SYAP1: variants seen among roughly 807,000 people sequenced by gnomAD.
The protein encoded by SYAP1 is synapse associated protein 1, also known as synapse-associated protein 1.
A neutral mutation model predicts 29.6 loss-of-function variants in SYAP1; 3 were observed. The observed-to-expected ratio is 0.10, with a 90% confidence interval of 0.05 to 0.26. The LOEUF (loss-of-function observed/expected upper bound fraction) is 0.26, where lower values mean the gene tolerates loss of function less well. Ranked by LOEUF, SYAP1 falls within the 10% of genes least tolerant of loss-of-function variation. The pLI is 1.00. For synonymous variants in SYAP1, 102 were observed against 102.7 expected (o/e 0.99, Z 0.04); for missense variants, 217 against 264.1 (o/e 0.82, Z 1.24).
chrX:16,758,546 G>A (rs919324386), intron 8 of SYAP1, among the ~76,000 whole-genome samples: 1 of 110,627 alleles, frequency 9.0e-6, no homozygotes, highest in Non-Finnish European at 1.9e-5. Flanking sequence ...TATGTTGGCA[G>A]GCTGGTCTCG....
At chrX:16,756,839 T>C in intron 7 of SYAP1, 118 bp downstream of exon 7, 1 of 735,879 alleles carries the variant, frequency 1.4e-6, no homozygotes, top group Non-Finnish European at 2.0e-6. Flanking sequence ...AAGCAGCATC[T>C]GGTACTTGAA....
intron 5 of SYAP1, among the ~76,000 whole-genome samples, chrX:16,751,092 A>G (rs1201153160): frequency 9.1e-6 from 1 of 109,908 alleles, no homozygotes; most frequent in African/African-American, 3.3e-5. Flanking sequence ...CTACTCTTTC[A>G]AAGTCTTTTT....
chrX:16,743,654 A>G (rs1313633533), intron 4 of SYAP1, 47 bp from the exon 5 acceptor site: 5 of 1,177,090 alleles, frequency 4.2e-6, no homozygotes, highest in Non-Finnish European at 5.7e-6. Flanking sequence ...TTATCTATTA[A>G]TCGCATTTTG....
chrX:16,751,961 C>T (rs1212779834), intron 5 of SYAP1, among the ~76,000 whole-genome samples: 1 of 103,144 alleles, frequency 9.7e-6, no homozygotes, highest in Non-Finnish European at 2.0e-5. Context: ...CAGGCATGAG[C>T]CACTGCACCC....
chrX:16,742,226 A>C, intron 4 of SYAP1, among the ~76,000 whole-genome samples: 1 of 95,387 alleles, frequency 1.0e-5, no homozygotes, highest in Non-Finnish European at 2.0e-5. Context: ...ATCTCGGCTC[A>C]CTGCAACCTT....
chrX:16,762,994 A>G lies in SYAP1; in HGVS notation c.*2635A>G, dbSNP rs1375509866. On this transcript the variant is annotated 3_prime_UTR_variant, in exon 9 of 9. Transcript: ENST00000380155. ...AGTTATTTCTATACTACCAAAATTAAAAAGACCCAAGGGCTGGGCATGGTG... is the reference window on the plus strand; with the variant it reads ...AGTTATTTCTATACTACCAAAATTAGAAAGACCCAAGGGCTGGGCATGGTG... 9.0e-6 allele frequency: 1 copy of G among 111,518 alleles called. No homozygotes were observed. The highest frequency in any genetic ancestry group is 2.8e-4 in the East Asian group (1 of 3,562). The allele number at this position is 111,518 out of a possible 1,213,427, so 9.2% of individuals were successfully genotyped here.
intron 1 of SYAP1, among the ~76,000 whole-genome samples, chrX:16,723,306 C>T (rs144536912): frequency 8.9e-6 from 1 of 112,293 alleles, no homozygotes; most frequent in East Asian, 2.8e-4. Context: ...GTTTACAATG[C>T]ACAGTCAATA....
intron 5 of SYAP1, among the ~76,000 whole-genome samples, chrX:16,749,025 G>A (rs773372617): frequency 3.3e-4 from 36 of 110,750 alleles, no homozygotes; most frequent in Middle Eastern, 4.7e-3. Context: ...AAAGTGCTGG[G>A]ATTACAGGCG....
chrX:16,724,130 A>G (rs1312893072), intron 1 of SYAP1, among the ~76,000 whole-genome samples: 1 of 112,214 alleles, frequency 8.9e-6, no homozygotes, highest in Non-Finnish European at 1.9e-5. Flanking sequence ...GCAATGAAAG[A>G]GTACAAGAAT....
chrX:16,756,613 A>G, intron 6 of SYAP1, 50 bp from the exon 7 acceptor site: 1 of 1,046,676 alleles, frequency 9.6e-7, no homozygotes, highest in Non-Finnish European at 1.3e-6. Flanking sequence ...TATAATATGT[A>G]TTCAGAACTG....
At chrX:16,725,245 C>T (rs911409675) in intron 1 of SYAP1, among the ~76,000 whole-genome samples, 2 of 112,515 alleles carry the variant, frequency 1.8e-5, no homozygotes, top group South Asian at 3.6e-4. Flanking sequence ...TTTTCTTTGG[C>T]GCTACTTCGT....
Position 16,719,644 on chromosome X carries a change from T to TCG in SYAP1, c.-77_-76dup. The TCG allele has an allele frequency of 9.4e-7, 1 of 1,061,195 alleles. No individual in the cohort carries two copies. The highest frequency in any genetic ancestry group is 1.2e-6 in the Non-Finnish European group (1 of 805,227). 87.5% of individuals were successfully genotyped at this position (1,061,195 alleles called of 1,213,427 possible). On this transcript the variant is annotated 5_prime_UTR_variant, in exon 1 of 9. Coordinates refer to ENST00000380155, the MANE Select transcript of SYAP1 (RefSeq NM_032796.4). ...CGACTTCCGGACATCTCCCTGGGAG[T>TCG]CGCGCAGAGTGGAGTCAAAGGCAAC...
At position 16,729,273 on chromosome X, in the gene SYAP1, C is replaced by G. The variant is rs762586953; in HGVS notation, c.176-5954C>G. Among the ~76,000 whole-genome samples the G allele has an allele frequency of 5.4e-5, 6 of 110,837 alleles. No homozygotes were observed. The South Asian group carries it at 1.9e-3, about 35-fold the overall frequency. ...AATGCTTCCTGTGTGGTTTTTGGTA[C>G]TAAATAAGCCAAATTTCACCTTTAC... On this transcript the variant is annotated intron_variant, in intron 1 of 8. Transcript: ENST00000380155.
chrX:16,756,126 CTTGT>C lies in SYAP1; in HGVS notation c.725-534_725-531del, dbSNP rs755863120. On this transcript the variant is annotated intron_variant, in intron 6 of 8. Transcript: ENST00000380155. ...AAAATGCCATTTTGCCAAATACTGC[CTTGT>C]TTAACAAAATGGATTTATGACAGTA... 7.2e-5 allele frequency among the ~76,000 whole-genome samples: 8 copies of C among 111,870 alleles called. No homozygotes were observed. The South Asian group carries it at 1.1e-3, about 15-fold the overall frequency.
At chrX:16,725,052 G>A (rs1926054786) in intron 1 of SYAP1, among the ~76,000 whole-genome samples, 1 of 112,313 alleles carries the variant, frequency 8.9e-6, no homozygotes, top group Non-Finnish European at 1.9e-5. Context: ...TCCTCTGTGA[G>A]CCTCAGCTTC....
At position 16,761,820 on chromosome X, in the gene SYAP1, T is replaced by G. The variant is rs757500288; in HGVS notation, c.*1461T>G. 1 of 112,772 alleles carries G rather than the reference T, an allele frequency of 8.9e-6. No homozygotes were observed. The highest frequency in any genetic ancestry group is 2.8e-4 in the East Asian group (1 of 3,626). The allele number at this position is 112,772 out of a possible 1,213,427, so 9.3% of individuals were successfully genotyped here. The stretch of plus-strand genomic sequence containing the variant: ...TAAAGGGGAATAGAATTAAAATGTT[T>G]CTTTATAAGAAAAATATACATATTT... On this transcript the variant is annotated 3_prime_UTR_variant, in exon 9 of 9. Transcript: ENST00000380155.
chrX:16,742,973 A>G (rs1926506018), intron 4 of SYAP1, among the ~76,000 whole-genome samples: 2 of 101,695 alleles, frequency 2.0e-5, no homozygotes, highest in Admixed American at 2.2e-4. Context: ...CTGCTGGTCA[A>G]CATAGCAAGA....
Position 16,765,263 on chromosome X carries a change from G to C in SYAP1, c.*4904G>C, listed in dbSNP as rs1416066988. 2 of 111,919 alleles carry C rather than the reference G, an allele frequency of 1.8e-5. No homozygotes were observed. Among genetic ancestry groups the C allele is most frequent in the African/African-American group, 3.2e-5 (1 of 30,809 alleles). 9.2% of individuals were successfully genotyped at this position (111,919 alleles called of 1,213,427 possible). On this transcript the variant is annotated 3_prime_UTR_variant, in exon 9 of 9. Transcript: ENST00000380155. Reference sequence around the variant, plus strand: ...GCTTTTTAAACAGCATTTATTCAGTGCATCCTGATTTATTTCAAAATGAAA... The same window carrying C: ...GCTTTTTAAACAGCATTTATTCAGTCCATCCTGATTTATTTCAAAATGAAA...
At chrX:16,734,205 C>T (rs1474340598) in intron 1 of SYAP1, among the ~76,000 whole-genome samples, 1 of 108,324 alleles carries the variant, frequency 9.2e-6, no homozygotes, top group Non-Finnish European at 1.9e-5. Flanking sequence ...ATGGTGAAAT[C>T]CCATCTCTAC....
Sources: allele counts gnomAD v4.1 joint callset (sites outside exome capture counted in the v4.1 genomes callset), GRCh38; gene constraint gnomAD v4.1.1; transcripts MANE v1.5; gene names NCBI Gene and HGNC (gene_info 2026-07-23, HGNC 2026-07-21).